TTLL8: variants seen among roughly 807,000 people sequenced by gnomAD.
TTLL8 encodes the protein protein monoglycylase TTLL8.
Under a neutral mutation model 77.8 loss-of-function variants are expected in TTLL8, and 65 were observed. The ratio of observed to expected loss-of-function variants is 0.84; its 90% CI spans 0.68 to 1.03. The LOEUF is 1.03. Ranked by LOEUF, TTLL8 falls within the 50% of genes least tolerant of loss-of-function variation. The pLI is 0.00. For missense variants in TTLL8, 910 were observed against 1,004.5 expected, an observed-to-expected ratio of 0.91 and a Z score of 1.27; for synonymous variants, 402 against 422.8, an observed-to-expected ratio of 0.95 and a Z score of 0.60.
At chr22:50,053,305 T>C (rs1172985880) in intron 1 of TTLL8, among the ~76,000 whole-genome samples, 1 of 151,436 alleles carries the variant, frequency 6.6e-6, no homozygotes, top group African/African-American at 2.4e-5. Context: ...CTAAACAAAT[T>C]TCAATGGAAT....
At chr22:50,031,619 T>A in intron 11 of TTLL8, 67 bp downstream of exon 12, 2 of 1,209,694 alleles carry the variant, frequency 1.7e-6, no homozygotes, top group Non-Finnish European at 2.1e-6. Context: ...CCTCGCCCAG[T>A]GACCAGGTGG....
At chr22:50,021,806 C>CTGA (rs2061202807) in intron 12 of TTLL8, among the ~76,000 whole-genome samples, 1 of 144,734 alleles carries the variant, frequency 6.9e-6, no homozygotes, top group Non-Finnish European at 1.5e-5. Flanking sequence ...ACTCCTCCAT[C>CTGA]TGACATGCAC....
At chr22:50,028,715 ACACACCCTCGTAAAGACCCCAT>A (rs2061252322) in intron 12 of TTLL8, among the ~76,000 whole-genome samples, 1 of 28,084 alleles carries the variant, frequency 3.6e-5, no homozygotes, top group African/African-American at 1.3e-4. Context: ...TGAAGACCCC[ACACACCCTCGTAAAGACCCCAT>A]CACACCGTCC....
At chr22:50,030,133 C>T in intron 12 of TTLL8, 1 of 972,948 alleles carries the variant, frequency 1.0e-6, no homozygotes, top group Non-Finnish European at 1.2e-6. Context: ...ACCCGCGCCA[C>T]ACCCCAGAGG....
intron 5 of TTLL8, 95 bp from the exon 8 acceptor site, chr22:50,045,484 C>T (rs1192233198): frequency 1.7e-5 from 19 of 1,132,324 alleles, no homozygotes; most frequent in Non-Finnish European, 1.4e-5. Flanking sequence ...ACCCGCCCCA[C>T]TTCCCGCCCT....
At chr22:50,049,147 T>G in intron 3 of TTLL8, 102 bp downstream of exon 5, 1 of 1,332,582 alleles carries the variant, frequency 7.5e-7, no homozygotes, top group South Asian at 1.2e-5. Context: ...CTCGCCGGGC[T>G]GCCATCCCCC....
intron 12 of TTLL8, chr22:50,027,858 G>A (rs980043752): frequency 2.4e-5 from 23 of 957,016 alleles, no homozygotes; most frequent in East Asian, 2.3e-4. Context: ...CCTCCCGGCC[G>A]TGCCCTCGAG....
At position 50,041,923 on chromosome 22, in the gene TTLL8, C is replaced by T; in HGVS notation, c.644-116G>A. ...AGGCTGCTCCACTCCCTCTGTGCCCCAATACCCAACAAGTATCCCAGATCC... is the reference window on the plus strand; with the variant it reads ...AGGCTGCTCCACTCCCTCTGTGCCCTAATACCCAACAAGTATCCCAGATCC... On this transcript the variant is annotated intron_variant, in intron 6 of 13. Coordinates refer to ENST00000266182, the Ensembl canonical transcript of TTLL8. The surrounding 1 kb of genome is among the most constrained non-coding windows in gnomAD (Gnocchi z 4.3). 1 of 909,998 alleles carries T rather than the reference C, an allele frequency of 1.1e-6. No individual in the cohort carries two copies. The highest frequency in any genetic ancestry group is 1.5e-6 in the Non-Finnish European group (1 of 680,186). 56.4% of individuals were successfully genotyped at this position (909,998 alleles called of 1,614,324 possible). A position where few individuals can be genotyped will look rare whatever the true frequency, so the allele number is the denominator to read the frequency against.
At chr22:50,023,956 G>T (rs1414312077) in intron 12 of TTLL8, among the ~76,000 whole-genome samples, 6 of 152,058 alleles carry the variant, frequency 3.9e-5, no homozygotes, top group African/African-American at 1.4e-4. Flanking sequence ...GGAGGCAGAG[G>T]TTGCAATGAG....
chr22:50,025,295 A>AG (rs35764493), intron 12 of TTLL8, among the ~76,000 whole-genome samples: 1 of 147,022 alleles, frequency 6.8e-6, no homozygotes, highest in Non-Finnish European at 1.5e-5. Context: ...AAAAAAAAAA[A>AG]GGCATCACTA....
chr22:50,021,465 ACG>A (rs2061199500), intron 12 of TTLL8, among the ~76,000 whole-genome samples: 1 of 136,740 alleles, frequency 7.3e-6, no homozygotes, highest in African/African-American at 2.9e-5. Flanking sequence ...CCATGTGACG[ACG>A]TGCACTCCTC....
At chr22:50,057,298 TG>T (rs1320814071), upstream of TTLL8, among the ~76,000 whole-genome samples, 1 of 54,042 alleles carries the variant, frequency 1.9e-5, no homozygotes, top group Non-Finnish European at 3.4e-5. Flanking sequence ...GGTCTGGGTT[TG>T]GGGGTCAGGA....
Position 50,034,291 on chromosome 22 carries a change from G to A in TTLL8, c.1039+54C>T. 7.5e-7 allele frequency: 1 copy of A among 1,325,194 alleles called. No individual in the cohort carries two copies. 82.1% of individuals were successfully genotyped at this position (1,325,194 alleles called of 1,614,324 possible). A position where few individuals can be genotyped will look rare whatever the true frequency, so the allele number is the denominator to read the frequency against. On this transcript the variant is annotated intron_variant, in intron 9 of 13. Coordinates refer to ENST00000266182, the Ensembl canonical transcript of TTLL8. This position sits in a 1 kb window ranked among gnomAD's most constrained non-coding sequence, Gnocchi z 4.1. ...AAACTGTCCCTCACTCACGGCTCCTGGCATCAAGTGTGGCCGTTGGTGGCT... is the reference window on the plus strand; with the variant it reads ...AAACTGTCCCTCACTCACGGCTCCTAGCATCAAGTGTGGCCGTTGGTGGCT...
chr22:50,035,247 A>G (rs1295506405), intron 8 of TTLL8, among the ~76,000 whole-genome samples: 1 of 152,048 alleles, frequency 6.6e-6, no homozygotes, highest in Non-Finnish European at 1.5e-5. Flanking sequence ...GCAGCACAGG[A>G]GTGAGAGCCA....
chr22:50,054,039 C>T (rs1039348115), intron 1 of TTLL8, among the ~76,000 whole-genome samples: 9 of 152,104 alleles, frequency 5.9e-5, no homozygotes, highest in African/African-American at 1.9e-4. Context: ...GCTCTCCGTC[C>T]GGGTGTGTCT....
chr22:50,031,613 G>A (rs1043586445), intron 11 of TTLL8, 73 bp downstream of exon 12: 22 of 1,205,862 alleles, frequency 1.8e-5, no homozygotes, highest in Middle Eastern at 3.4e-4. Flanking sequence ...CTCCACCCTC[G>A]CCCAGTGACC....
chr22:50,057,539 G>T (rs1330468859), upstream of TTLL8, among the ~76,000 whole-genome samples: 1 of 71,528 alleles, frequency 1.4e-5, no homozygotes, highest in Non-Finnish European at 2.4e-5. Context: ...GGGTTGAGCG[G>T]GAGGTCTGGG....
At chr22:50,057,847 G>C (rs1484740342), upstream of TTLL8, among the ~76,000 whole-genome samples, 1 of 151,588 alleles carries the variant, frequency 6.6e-6, no homozygotes. Context: ...GAGGGGAGTG[G>C]ACAGCTGTGG....
At chr22:50,053,946 C>G (rs1420338302) in intron 1 of TTLL8, among the ~76,000 whole-genome samples, 1 of 149,244 alleles carries the variant, frequency 6.7e-6, no homozygotes, top group Non-Finnish European at 1.5e-5. Context: ...TATTTGTACA[C>G]GTTCTGCTCT....
Sources: gnomAD v4.1 joint callset for allele counts (sites outside exome capture counted in the v4.1 genomes callset) on GRCh38, gnomAD v4.1.1 for gene constraint, Gnocchi (gnomAD v3.1) non-coding constraint, MANE v1.5 for transcripts, NCBI Gene and HGNC (gene_info 2026-07-23, HGNC 2026-07-21) for gene names.